UGT2A2: variants seen among roughly 807,000 people sequenced by gnomAD.
UGT2A2 encodes UDP-glucuronosyltransferase 2A2.
A neutral mutation model predicts 50.7 loss-of-function variants in UGT2A2; 60 were observed. The ratio of observed to expected loss-of-function variants is 1.18; its 90% CI spans 0.96 to 1.47. The LOEUF (loss-of-function observed/expected upper bound fraction) is 1.47. Ranked by LOEUF, UGT2A2 falls within the 40% of genes most tolerant of loss-of-function variation. UGT2A2 has a pLI of 0.00. For missense variants in UGT2A2, 762 were observed against 634.0 expected (o/e 1.20, Z -2.17); for synonymous variants, 242 against 214.6 (o/e 1.13, Z -1.11).
At chr4:69,609,648 T>A (rs1719912276) in intron 1 of UGT2A2, among the ~76,000 whole-genome samples, 1 of 151,714 alleles carries the variant, frequency 6.6e-6, no homozygotes, top group Admixed American at 6.6e-5. Flanking sequence ...TGAGATGAGA[T>A]TATTTATACC....
intron 1 of UGT2A2, among the ~76,000 whole-genome samples, chr4:69,629,267 G>A (rs530006324): frequency 1.3e-5 from 2 of 152,112 alleles, no homozygotes; most frequent in South Asian, 2.1e-4. Context: ...TATGAATAGC[G>A]TTCATTCAGG....
intron 1 of UGT2A2, among the ~76,000 whole-genome samples, chr4:69,618,225 G>T (rs1219996700): frequency 6.6e-6 from 1 of 150,578 alleles, no homozygotes; most frequent in Non-Finnish European, 1.5e-5. Context: ...GTATGTTTGT[G>T]TGTGTGTGTG....
intron 1 of UGT2A2, among the ~76,000 whole-genome samples, chr4:69,629,280 G>A (rs1370081472): frequency 6.6e-6 from 1 of 151,990 alleles, no homozygotes; most frequent in Non-Finnish European, 1.5e-5. Context: ...CATTCAGGAG[G>A]TGTACTGCAA....
rs770133657 is a variant in UGT2A2 at position 69,638,922 on chromosome 4, T to C, written c.719A>G (p.Asn240Ser). ...ACCTAAAATTTTGCTATAGTATGAA[T>C]TCCATTCTCCCCAGTAGGACTGAAA... Reference protein sequence around the residue: ...YIFQSYWGEWNSYYSKILGRP... With the variant: ...YIFQSYWGEWSSYYSKILGRP... Residue 240 changes from asparagine to serine, a missense_variant, in exon 1 of 6, where the codon AAT (asparagine) becomes AGT (serine). By Grantham distance (46) the Asn-to-Ser change is conservative. Transcript: ENST00000604629. 7.5e-6 allele frequency: 12 copies of C among 1,603,034 alleles called. No homozygotes were observed. Among genetic ancestry groups the C allele is most frequent in the Non-Finnish European group, 1.0e-5 (12 of 1,174,026 alleles).
rs1319199656 is a variant in UGT2A2 at position 69,639,642 on chromosome 4, C to A, written c.-2G>T. The A allele has an allele frequency of 6.4e-7, 1 of 1,561,856 alleles. No homozygotes were observed. Among genetic ancestry groups the A allele is most frequent in the East Asian group, 2.2e-5 (1 of 44,610 alleles). On this transcript the variant is annotated 5_prime_UTR_variant, in exon 1 of 6. Transcript: ENST00000604629. ...GGTAAAATCCCTTATGGAAACCATCCTACTGTAGATCCTTCAAGATGAAAA... is the reference window on the plus strand; with the variant it reads ...GGTAAAATCCCTTATGGAAACCATCATACTGTAGATCCTTCAAGATGAAAA...
rs574959473 is a variant in UGT2A2, at chr4:69,594,529, T to C, written c.1279A>G (p.Met427Val). ...GCGCTAAGCAAATCCACACTTGTCA[T>C]TGTGTTTAGGTTCACTTCCACAGCT... Reference protein sequence around the residue: ...GAAVEVNLNTMTSVDLLSALR... With the variant: ...GAAVEVNLNTVTSVDLLSALR... Residue 427 changes from methionine to valine, a missense_variant, in exon 5 of 6, where the codon ATG (methionine) becomes GTG (valine). Transcript: ENST00000604629. 6.8e-6 allele frequency: 11 copies of C among 1,614,178 alleles called. No homozygotes were observed. In the South Asian group the frequency reaches 1.1e-4, roughly 16 times the overall value.
At chr4:69,603,472 C>G (rs1288327738) in intron 1 of UGT2A2, 1 of 136,596 alleles carries the variant, frequency 7.3e-6, no homozygotes, top group East Asian at 2.1e-4. Context: ...AGGGAAAAAA[C>G]AGAGCAGAAA....
intron 1 of UGT2A2, among the ~76,000 whole-genome samples, chr4:69,618,239 A>T (rs2877457): frequency 8.6e-6 from 1 of 116,280 alleles, no homozygotes; most frequent in Non-Finnish European, 1.9e-5. Flanking sequence ...GTGTGTGTGT[A>T]TGTGTGTGTT....
Position 69,599,237 on chromosome 4 carries a change from T to C in UGT2A2, c.891+9A>G, listed in dbSNP as rs1187279165. ...AAGAGCATAAAATCCTCCACTGTTG[T>C]AGACCTACCTTAGGTAAAGGTTTGG... is the stretch of plus-strand genomic sequence containing the variant. On this transcript the variant is annotated intron_variant, in intron 2 of 5. Transcript: ENST00000604629. 4 of 1,612,138 alleles carry C rather than the reference T, an allele frequency of 2.5e-6. No homozygotes were observed. The Admixed American group carries it at 5.1e-5, about 20-fold the overall frequency.
At chr4:69,616,719 A>G (rs1471221321) in intron 1 of UGT2A2, among the ~76,000 whole-genome samples, 2 of 151,932 alleles carry the variant, frequency 1.3e-5, no homozygotes, top group African/African-American at 4.8e-5. Flanking sequence ...TAGGGAGATA[A>G]GAAATGGAAA....
At chr4:69,591,607 C>G (rs111864643) in intron 5 of UGT2A2, among the ~76,000 whole-genome samples, 290 of 152,244 alleles carry the variant, frequency 1.9e-3, no homozygotes, top group African/African-American at 6.7e-3. Context: ...ATATTTGACC[C>G]TCATTTCCCA....
At chr4:69,599,511 C>G in intron 1 of UGT2A2, 117 bp from the exon 2 acceptor site, 2 of 1,403,670 alleles carry the variant, frequency 1.4e-6, no homozygotes, top group Non-Finnish European at 1.9e-6. Flanking sequence ...ATTAGGTCTT[C>G]TAGAATACTT....
At chr4:69,632,824 G>T (rs577738361) in intron 1 of UGT2A2, among the ~76,000 whole-genome samples, 1 of 151,404 alleles carries the variant, frequency 6.6e-6, no homozygotes, top group African/African-American at 2.4e-5. Context: ...GGAGGCGGGG[G>T]TTGCAGTGAG....
chr4:69,590,346 T>A (rs529959241), intron 5 of UGT2A2, among the ~76,000 whole-genome samples: 3 of 152,242 alleles, frequency 2.0e-5, no homozygotes, highest in Non-Finnish European at 4.4e-5. Context: ...ACAGTTCTAA[T>A]GGCTTCTCAA....
intron 1 of UGT2A2, among the ~76,000 whole-genome samples, chr4:69,632,694 C>T (rs2109957884): frequency 6.6e-6 from 1 of 151,976 alleles, no homozygotes; most frequent in South Asian, 2.1e-4. Context: ...TTGAGACCTG[C>T]CTGGCCAACA....
At chr4:69,618,877 G>A (rs1342087874) in intron 1 of UGT2A2, among the ~76,000 whole-genome samples, 4 of 151,534 alleles carry the variant, frequency 2.6e-5, no homozygotes, top group Non-Finnish European at 4.4e-5. Context: ...ACCAAACTTC[G>A]GAAAATTTTC....
At chr4:69,591,792 T>TGTAC (rs1491432366) in intron 5 of UGT2A2, among the ~76,000 whole-genome samples, 1 of 152,130 alleles carries the variant, frequency 6.6e-6, no homozygotes, top group African/African-American at 2.4e-5. Flanking sequence ...AATCACAGAC[T>TGTAC]GTACCTACAC....
intron 1 of UGT2A2, among the ~76,000 whole-genome samples, chr4:69,628,454 G>A (rs1420591732): frequency 6.6e-6 from 1 of 151,554 alleles, no homozygotes. Context: ...ACCCATATAT[G>A]GTCAGCTGGT....
intron 1 of UGT2A2, among the ~76,000 whole-genome samples, chr4:69,635,279 G>A (rs1721609451): frequency 1.3e-5 from 2 of 152,200 alleles, no homozygotes; most frequent in South Asian, 4.2e-4. Flanking sequence ...TACCAGCCAA[G>A]TGTCACATAG....
Sources: gnomAD v4.1 joint callset for allele counts (sites outside exome capture counted in the v4.1 genomes callset) on GRCh38, gnomAD v4.1.1 for gene constraint, MANE v1.5 for transcripts, NCBI Gene and HGNC (gene_info 2026-07-23, HGNC 2026-07-21) for gene names.